Variants in RORA observed in about 807,000 individuals in gnomAD.
RORA encodes RAR related orphan receptor A, also known as nuclear receptor ROR-alpha.
Under a neutral mutation model 69.5 loss-of-function variants are expected in RORA, and 7 were observed. The ratio of observed to expected loss-of-function variants is 0.10; its 90% CI spans 0.06 to 0.19. The LOEUF (loss-of-function observed/expected upper bound fraction) is 0.19, where lower values mean the gene tolerates loss of function less well. Ranked by LOEUF, RORA falls within the 10% of genes least tolerant of loss-of-function variation. The probability of loss-of-function intolerance (pLI) is 1.00; values close to 1 mark genes in which losing one functional copy is unlikely to be tolerated. For synonymous variants in RORA, 261 were observed against 240.8 expected (o/e 1.08, Z -0.78); for missense variants, 457 against 663.0 (o/e 0.69, Z 3.41).
chr15:61,084,604 G>T (rs778157555), intron 1 of RORA, among the ~76,000 whole-genome samples: 2 of 152,140 alleles, frequency 1.3e-5, no homozygotes, highest in Admixed American at 1.3e-4. Context: ...TCTATTGCCA[G>T]TTTGAGTTCT....
chr15:61,124,729 G>A (rs766391407), intron 1 of RORA, among the ~76,000 whole-genome samples: 5 of 151,958 alleles, frequency 3.3e-5, no homozygotes, highest in Admixed American at 6.5e-5. Flanking sequence ...TAAAACCCAG[G>A]CTCTGTTACT....
intron 1 of RORA, among the ~76,000 whole-genome samples, chr15:61,204,164 A>G (rs536058224): frequency 6.6e-6 from 1 of 152,186 alleles, no homozygotes; most frequent in Non-Finnish European, 1.5e-5. Flanking sequence ...AGAGGAGAGA[A>G]GTCAAGGATA....
chr15:61,229,285 A>G lies in RORA; in HGVS notation c.-67T>C. On this transcript the variant is annotated 5_prime_UTR_variant, in exon 1 of 11. Coordinates refer to ENST00000335670, the MANE Select transcript of RORA (RefSeq NM_134261.3). ...GAGACTCCCTCTATCTTCTGTTTTC[A>G]GAGCAACTCTATGGTACCAAAAAAA... 2 of 230,130 alleles carry G rather than the reference A, an allele frequency of 8.7e-6. No homozygotes were observed. The highest frequency in any genetic ancestry group is 1.5e-5 in the Non-Finnish European group (2 of 130,354). 14.3% of individuals were successfully genotyped at this position (230,130 alleles called of 1,614,324 possible). A position where few individuals can be genotyped will look rare whatever the true frequency, so the allele number is the denominator to read the frequency against.
At position 61,122,595 on chromosome 15, in the gene RORA, G is replaced by A. The variant is rs375423898; in HGVS notation, c.166+106458C>T. On this transcript the variant is annotated intron_variant, in intron 1 of 10. Coordinates refer to ENST00000335670, the MANE Select transcript of RORA (RefSeq NM_134261.3). ...AGATATGATCTCATAAATACCCTAC[G>A]GAGGATATCACTTTTTTTCAGATGA... Among the ~76,000 whole-genome samples, 19 of 152,010 alleles carry A rather than the reference G, an allele frequency of 1.2e-4. No individual in the cohort carries two copies. The East Asian group carries it at 1.9e-3, about 15-fold the overall frequency.
chr15:60,968,944 G>A lies in RORA; in HGVS notation c.166+260109C>T, dbSNP rs138941863. ...TCCTCAATCTGAAACAGTTTATCAG[G>A]CCTCCCTTGACATTCATAACCTTAA... On this transcript the variant is annotated intron_variant, in intron 1 of 10. Transcript: ENST00000335670. Among the ~76,000 whole-genome samples, 552 of 152,212 alleles carry A rather than the reference G, an allele frequency of 3.6e-3. 3 individuals carry two copies. The highest frequency in any genetic ancestry group is 0.013 in the African/African-American group (523 of 41,536).
chr15:61,056,075 T>G (rs111379026), intron 1 of RORA, among the ~76,000 whole-genome samples: 442 of 152,294 alleles, frequency 2.9e-3, no homozygotes, highest in African/African-American at 1.0e-2. Flanking sequence ...ACATACTACT[T>G]CTATGCTTTA....
intron 1 of RORA, among the ~76,000 whole-genome samples, chr15:60,908,185 C>T (rs1891599790): frequency 6.6e-6 from 1 of 152,212 alleles, no homozygotes; most frequent in South Asian, 2.1e-4. Flanking sequence ...GTCAGGGCCA[C>T]CATTAGCCTG....
At chr15:60,673,417 C>T (rs575557996) in intron 2 of RORA, among the ~76,000 whole-genome samples, 59 of 152,306 alleles carry the variant, frequency 3.9e-4, no homozygotes, top group Non-Finnish European at 5.4e-4. Context: ...ACAAGGCAAA[C>T]GCTTCCAGAC....
chr15:60,783,842 G>C (rs2072297447), intron 1 of RORA, among the ~76,000 whole-genome samples: 1 of 152,220 alleles, frequency 6.6e-6, no homozygotes, highest in Non-Finnish European at 1.5e-5. Flanking sequence ...TCAACAACCT[G>C]TCTGTTAGCC....
At position 60,951,542 on chromosome 15, in the gene RORA, G is replaced by A. The variant is rs568209509; in HGVS notation, c.167-272856C>T. On this transcript the variant is annotated intron_variant, in intron 1 of 10. Transcript: ENST00000335670. ...GATCAACAAAATTGATAGACCGCTA[G>A]CAAGACTAATAAAGAAAAAAAGAGA... Among the ~76,000 whole-genome samples, 3 of 150,598 alleles carry A rather than the reference G, an allele frequency of 2.0e-5. No homozygotes were observed. In the South Asian group the frequency reaches 6.4e-4, roughly 32 times the overall value.
At chr15:60,666,036 C>T (rs1334667337) in intron 2 of RORA, among the ~76,000 whole-genome samples, 4 of 151,830 alleles carry the variant, frequency 2.6e-5, no homozygotes, top group East Asian at 1.9e-4. Flanking sequence ...CTGAAATGAG[C>T]AACAAGAGTG....
Position 60,543,683 on chromosome 15 carries a change from T to C in RORA, c.197-11832A>G, listed in dbSNP as rs1595945716. 4.6e-5 allele frequency among the ~76,000 whole-genome samples: 7 copies of C among 152,096 alleles called. No homozygotes were observed. The South Asian group carries it at 1.5e-3, about 32-fold the overall frequency. ...TTTCAGTAGAGATGGGGTTTCACCATGTTGCCCAGGCTGGTCTTGAACTCC... is the reference window on the plus strand; with the variant it reads ...TTTCAGTAGAGATGGGGTTTCACCACGTTGCCCAGGCTGGTCTTGAACTCC... On this transcript the variant is annotated intron_variant, in intron 2 of 10. Coordinates refer to ENST00000335670, the MANE Select transcript of RORA (RefSeq NM_134261.3).
At chr15:60,879,258 T>C (rs1199921716) in intron 1 of RORA, among the ~76,000 whole-genome samples, 2 of 152,010 alleles carry the variant, frequency 1.3e-5, no homozygotes, top group African/African-American at 4.8e-5. Flanking sequence ...TTTCAATCTG[T>C]TGCTAGTTGC....
At chr15:61,195,000 T>A (rs28528333) in intron 1 of RORA, among the ~76,000 whole-genome samples, 2 of 137,270 alleles carry the variant, frequency 1.5e-5, no homozygotes, top group Non-Finnish European at 3.2e-5. Flanking sequence ...GCTGTTGTTG[T>A]TAATAATAAT....
intron 1 of RORA, among the ~76,000 whole-genome samples, chr15:60,693,782 G>A (rs1185959506): frequency 6.6e-6 from 1 of 152,026 alleles, no homozygotes; most frequent in Non-Finnish European, 1.5e-5. Flanking sequence ...CACTGCCCAA[G>A]GAAATAAGAG....
intron 2 of RORA, among the ~76,000 whole-genome samples, chr15:60,571,593 G>A (rs2067883065): frequency 6.6e-6 from 1 of 152,058 alleles, no homozygotes; most frequent in Non-Finnish European, 1.5e-5. Flanking sequence ...CATGAACTAT[G>A]GAAAGATCAT....
intron 1 of RORA, among the ~76,000 whole-genome samples, chr15:60,768,884 C>G (rs1342220523): frequency 6.6e-6 from 1 of 152,226 alleles, no homozygotes; most frequent in East Asian, 1.9e-4. Context: ...AGAGTAGAGG[C>G]TGTAGTACAT....
chr15:60,823,930 C>A (rs341377), intron 1 of RORA, among the ~76,000 whole-genome samples: 1 of 152,088 alleles, frequency 6.6e-6, no homozygotes, highest in Non-Finnish European at 1.5e-5. Context: ...CATATTAATA[C>A]ATTTTTTTTG....
chr15:61,106,645 A>G (rs1395969852), intron 1 of RORA, among the ~76,000 whole-genome samples: 1 of 152,102 alleles, frequency 6.6e-6, no homozygotes, highest in African/African-American at 2.4e-5. Flanking sequence ...TCTATTTTTC[A>G]CACTGATTTT....
Sources: gnomAD v4.1 joint callset for allele counts (sites outside exome capture counted in the v4.1 genomes callset) on GRCh38, gnomAD v4.1.1 for gene constraint, MANE v1.5 for transcripts, NCBI Gene and HGNC (gene_info 2026-07-23, HGNC 2026-07-21) for gene names.